The following MANSC4 variants were observed in gnomAD, a reference collection of about 807,000 sequenced individuals.
MANSC4 encodes the protein MANSC domain containing 4.
A neutral mutation model predicts 11.4 loss-of-function variants in MANSC4; 11 were observed. The ratio of observed to expected loss-of-function variants is 0.97; its 90% CI spans 0.61 to 1.60. MANSC4 has a LOEUF of 1.60. Ranked by LOEUF, MANSC4 falls within the 40% of genes most tolerant of loss-of-function variation. The probability of loss-of-function intolerance (pLI) is 0.00; values close to 1 mark genes in which losing one functional copy is unlikely to be tolerated. For missense variants in MANSC4, 354 were observed against 404.6 expected (o/e 0.88, Z 1.07); for synonymous variants, 123 against 147.1 (o/e 0.84, Z 1.19).
chr12:27,777,402 C>G (rs2062123065), intron 1 of MANSC4, among the ~76,000 whole-genome samples: 1 of 152,116 alleles, frequency 6.6e-6, no homozygotes, highest in South Asian at 2.1e-4. Flanking sequence ...ATCGTAGGTC[C>G]AAGTCTCTTT....
intron 1 of MANSC4, among the ~76,000 whole-genome samples, chr12:27,777,573 G>A (rs573417271): frequency 9.2e-5 from 14 of 152,204 alleles, no homozygotes; most frequent in Non-Finnish European, 2.1e-4. Context: ...GAATGGAAGT[G>A]TGAAGGGTTG....
intron 3 of MANSC4, among the ~76,000 whole-genome samples, chr12:27,765,648 T>G (rs186240478): frequency 9.1e-4 from 139 of 152,342 alleles, no homozygotes; most frequent in Admixed American, 8.8e-3. Context: ...TTGTATTTAG[T>G]TGTGTCTTAA....
intron 2 of MANSC4, among the ~76,000 whole-genome samples, chr12:27,768,673 C>A (rs894288146): frequency 2.8e-5 from 4 of 141,834 alleles, no homozygotes; most frequent in African/African-American, 7.9e-5. Context: ...GTCACCCAGA[C>A]TGGAGTGAAG....
Position 27,762,862 on chromosome 12 carries a change from C to G in MANSC4, c.899G>C (p.Cys300Ser), listed in dbSNP as rs140202918. ...TCCAGATGCCAGGATGACTATACAA[C>G]AGCCGAGAAAGATGACAGAGGTGCA... ...ALCTSVIFLG[C>S]CIVILASGCC... Residue 300 changes from cysteine (C) to serine (S), a missense_variant, in exon 4 of 4, where the codon TGT (cysteine) becomes TCT (serine). Cys to Ser is a moderately radical substitution (Grantham distance 112). Transcript: ENST00000381273. 3.3e-4 allele frequency: 518 copies of G among 1,552,062 alleles called. 2 individuals carry two copies. The African/African-American group carries it at 6.2e-3, about 19-fold the overall frequency.
Position 27,762,853 on chromosome 12 carries a change from A to G in MANSC4, c.908T>C (p.Val303Ala). 1.3e-6 allele frequency: 2 copies of G among 1,552,004 alleles called. No individual in the cohort carries two copies. Among genetic ancestry groups the G allele is most frequent in the African/African-American group, 2.7e-5 (2 of 73,160 alleles). Residue 303 changes from valine to alanine, a missense_variant, in exon 4 of 4, where the codon GTC becomes GCC. By Grantham distance (64) the Val-to-Ala change is moderately conservative. Transcript: ENST00000381273. ...TSVIFLGCCIVILASGCCGKQ... is the reference protein window; with the variant it reads ...TSVIFLGCCIAILASGCCGKQ... The stretch of plus-strand genomic sequence containing the variant: ...TCCACAGCATCCAGATGCCAGGATG[A>G]CTATACAACAGCCGAGAAAGATGAC...
intron 1 of MANSC4, among the ~76,000 whole-genome samples, chr12:27,775,925 A>G (rs1278850438): frequency 8.0e-6 from 1 of 124,584 alleles, no homozygotes; most frequent in African/African-American, 3.1e-5. Context: ...ACCCGTTTCT[A>G]CTAAAAATAC....
intron 3 of MANSC4, 80 bp downstream of exon 3, chr12:27,766,585 G>A: frequency 7.0e-7 from 1 of 1,424,128 alleles, no homozygotes; most frequent in Non-Finnish European, 9.4e-7. Context: ...TATGGCTATT[G>A]CCAGCCAGTT....
At chr12:27,770,306 G>A (rs948224060) in intron 2 of MANSC4, among the ~76,000 whole-genome samples, 6 of 151,980 alleles carry the variant, frequency 3.9e-5, no homozygotes, top group South Asian at 2.1e-4. Flanking sequence ...TCAGCCCCCC[G>A]CGTAGCTGGG....
At position 27,762,576 on chromosome 12, in the gene MANSC4, C is replaced by G. The variant is rs2062051563; in HGVS notation, c.*162G>C. ...ATGTTGCCCAGGCTGGTCTCGAACTCCTGGGCTCAAGCAAATCTACTGCCT... is the reference window on the plus strand; with the variant it reads ...ATGTTGCCCAGGCTGGTCTCGAACTGCTGGGCTCAAGCAAATCTACTGCCT... On this transcript the variant is annotated 3_prime_UTR_variant, in exon 4 of 4. Transcript: ENST00000381273. 6.6e-6 allele frequency among the ~76,000 whole-genome samples: 1 copy of G among 151,848 alleles called. No individual in the cohort carries two copies. Among genetic ancestry groups the G allele is most frequent in the Non-Finnish European group, 1.5e-5 (1 of 67,988 alleles).
intron 1 of MANSC4, among the ~76,000 whole-genome samples, chr12:27,776,549 G>C (rs2062120454): frequency 6.6e-6 from 1 of 152,042 alleles, no homozygotes; most frequent in Non-Finnish European, 1.5e-5. Flanking sequence ...GGGCAACATG[G>C]TGAAACCCCG....
rs940961110 is a variant in MANSC4 at position 27,770,288 on chromosome 12, C to T, written c.229+760G>A. ...CTCTGCCTCCTGGGTTCAAGCGATTCTCCAAACTCAGCCCCCCGCGTAGCT... is the reference window on the plus strand; with the variant it reads ...CTCTGCCTCCTGGGTTCAAGCGATTTTCCAAACTCAGCCCCCCGCGTAGCT... On this transcript the variant is annotated intron_variant, in intron 2 of 3. Transcript: ENST00000381273. Among the ~76,000 whole-genome samples the T allele has an allele frequency of 2.2e-4, 33 of 152,114 alleles. 1 individual carries two copies. The highest frequency in any genetic ancestry group is 7.7e-4 in the African/African-American group (32 of 41,408).
Position 27,765,952 on chromosome 12 carries a change from G to C in MANSC4, c.364+713C>G, listed in dbSNP as rs530017312. On this transcript the variant is annotated intron_variant, in intron 3 of 3. Transcript: ENST00000381273. ...ATGCTAATGTATGTCAGCACATGGT[G>C]GTAAGTTTCCCTGAACCTGACATCC... Among the ~76,000 whole-genome samples, 3 of 152,204 alleles carry C rather than the reference G, an allele frequency of 2.0e-5. No individual in the cohort carries two copies. The South Asian group carries it at 6.2e-4, about 32-fold the overall frequency.
chr12:27,774,697 A>T (rs149456953), intron 1 of MANSC4, among the ~76,000 whole-genome samples: 1 of 152,310 alleles, frequency 6.6e-6, no homozygotes, highest in East Asian at 1.9e-4. Context: ...GGCTTTGTTG[A>T]TGGAAAAGAG....
intron 2 of MANSC4, among the ~76,000 whole-genome samples, chr12:27,767,420 G>C (rs778168475): frequency 1.3e-5 from 2 of 151,966 alleles, no homozygotes; most frequent in Non-Finnish European, 2.9e-5. Context: ...AAAACCTCTG[G>C]GGGCCCGGCG....
chr12:27,766,446 G>T (rs1309718812), intron 3 of MANSC4, among the ~76,000 whole-genome samples: 2 of 152,166 alleles, frequency 1.3e-5, no homozygotes, highest in African/African-American at 4.8e-5. Context: ...AATCATGTAT[G>T]ATTTATAATC....
chr12:27,777,259 G>A (rs577800839), intron 1 of MANSC4, among the ~76,000 whole-genome samples: 1 of 152,202 alleles, frequency 6.6e-6, no homozygotes, highest in Non-Finnish European at 1.5e-5. Context: ...ACCAGTCTGA[G>A]GCATATCTAT....
chr12:27,763,799 C>G (rs1238904818), intron 3 of MANSC4, among the ~76,000 whole-genome samples: 1 of 152,024 alleles, frequency 6.6e-6, no homozygotes, highest in South Asian at 2.1e-4. Flanking sequence ...GGTATGGTCT[C>G]AGCTCACTGC....
In MANSC4 at chr12:27,766,727, G is replaced by C; in HGVS notation, c.302C>G (p.Pro101Arg). 6.4e-7 allele frequency: 1 copy of C among 1,551,542 alleles called. No individual in the cohort carries two copies. Residue 101 changes from proline to arginine, a missense_variant, in exon 3 of 4, where the codon CCA (proline) becomes CGA (arginine). Transcript: ENST00000381273. ...DNINCLHVHC[P>R]TLESCILEPG... Reference sequence around the variant, plus strand: ...CTCTAATATGCAGCTCTCCAGTGTTGGGCAGTGAACATGGAGGCAGTTGAT... The same window carrying C: ...CTCTAATATGCAGCTCTCCAGTGTTCGGCAGTGAACATGGAGGCAGTTGAT...
intron 2 of MANSC4, among the ~76,000 whole-genome samples, chr12:27,770,686 T>TA (rs1207918043): frequency 6.6e-6 from 1 of 152,084 alleles, no homozygotes; most frequent in African/African-American, 2.4e-5. Flanking sequence ...AAATTTAAAA[T>TA]AAAATGAGAA....
Sources: gnomAD v4.1 joint callset for allele counts (sites outside exome capture counted in the v4.1 genomes callset) on GRCh38, gnomAD v4.1.1 for gene constraint, MANE v1.5 for transcripts, NCBI Gene and HGNC (gene_info 2026-07-23, HGNC 2026-07-21) for gene names.